The following RUFY1 variants were observed in gnomAD, a reference collection of about 807,000 sequenced individuals.
RUFY1 encodes RUN and FYVE domain containing 1.
RUFY1 carries 54 observed loss-of-function variants against 94.6 expected under a neutral mutation model. The observed-to-expected ratio is 0.57, with a 90% CI of 0.46 to 0.72. The LOEUF is 0.72. Among genes scored for constraint, RUFY1 ranks in the 30% least tolerant of loss-of-function variants. RUFY1 has a pLI of 0.00. For synonymous variants in RUFY1, 396 were observed against 347.3 expected (o/e 1.14, Z -1.56); for missense variants, 883 against 883.9 (o/e 1.00, Z 0.01).
intron 6 of RUFY1, among the ~76,000 whole-genome samples, chr5:179,578,336 C>G (rs1453315254): frequency 6.6e-6 from 1 of 151,922 alleles, no homozygotes. Context: ...GCCTCAGCCT[C>G]CCGAGTAGCA....
At chr5:179,602,931 A>G (rs1173442054) in intron 15 of RUFY1, among the ~76,000 whole-genome samples, 1 of 152,196 alleles carries the variant, frequency 6.6e-6, no homozygotes. Flanking sequence ...TCACGACCTC[A>G]GCACAGCCTG....
intron 1 of RUFY1, among the ~76,000 whole-genome samples, chr5:179,556,527 G>T (rs35287854): frequency 2.0e-5 from 3 of 151,140 alleles, no homozygotes; most frequent in Admixed American, 6.6e-5. Flanking sequence ...TTTGAGAAGG[G>T]TCTCACTCTG....
intron 4 of RUFY1, among the ~76,000 whole-genome samples, chr5:179,568,515 C>T (rs907525838): frequency 2.6e-5 from 4 of 152,130 alleles, no homozygotes; most frequent in African/African-American, 9.7e-5. Context: ...TACTGATTTA[C>T]AATATTTCAC....
intron 15 of RUFY1, 107 bp from the exon 16 acceptor site, chr5:179,605,769 C>T (rs1767011815): frequency 1.3e-5 from 10 of 793,840 alleles, no homozygotes; most frequent in Non-Finnish European, 2.2e-5. Context: ...TGGGTCTCCT[C>T]ACAAGTCCGG....
At position 179,566,527 on chromosome 5, in the gene RUFY1, AC is replaced by A. The variant is rs560599044; in HGVS notation, c.603-932del. Among the ~76,000 whole-genome samples the A allele has an allele frequency of 6.6e-5, 10 of 151,678 alleles. No individual in the cohort carries two copies. The East Asian group carries it at 1.6e-3, about 24-fold the overall frequency. Reference sequence around the variant, plus strand: ...AGGCTGAGGCAGGAGAATCACTTGAACCTGCGAGGTGGAGGATGCAGTGAGC... The same window carrying A: ...AGGCTGAGGCAGGAGAATCACTTGAACTGCGAGGTGGAGGATGCAGTGAGC... On this transcript the variant is annotated intron_variant, in intron 3 of 17. Coordinates refer to ENST00000319449, the MANE Select transcript of RUFY1 (RefSeq NM_025158.5).
At chr5:179,602,062 A>AAC in intron 15 of RUFY1, 76 bp downstream of exon 15, 1 of 1,242,812 alleles carries the variant, frequency 8.0e-7, no homozygotes, top group Non-Finnish European at 1.2e-6. Context: ...CCCCAAACCT[A>AAC]CCTCCTTTTG....
At position 179,563,201 on chromosome 5, in the gene RUFY1, C is replaced by G. The variant is rs112928250; in HGVS notation, c.602+537C>G. 2.6e-5 allele frequency among the ~76,000 whole-genome samples: 4 copies of G among 152,164 alleles called. No homozygotes were observed. In the East Asian group the frequency reaches 7.7e-4, roughly 29 times the overall value. On this transcript the variant is annotated intron_variant, in intron 3 of 17. Transcript: ENST00000319449. ...GATCCTTGAGCCAATGCAAAAGAAC[C>G]CTCTGCAGAGTTTCCCAGACGGGAC...
At chr5:179,568,725 A>ATT (rs1763009613) in intron 4 of RUFY1, among the ~76,000 whole-genome samples, 1 of 152,228 alleles carries the variant, frequency 6.6e-6, no homozygotes, top group Non-Finnish European at 1.5e-5. Flanking sequence ...CTTAAGAGAA[A>ATT]AGTCTTATAC....
chr5:179,608,555 A>G (rs1350229662), intron 17 of RUFY1: 2 of 985,490 alleles, frequency 2.0e-6, no homozygotes, highest in Non-Finnish European at 2.4e-6. Context: ...AAGAGAACGA[A>G]CCAGACTCTT....
At chr5:179,596,328 A>AAGCCAT (rs1765635358) in intron 12 of RUFY1, 2 of 611,680 alleles carry the variant, frequency 3.3e-6, no homozygotes, top group Non-Finnish European at 2.9e-6. Flanking sequence ...CAAAAAGCCA[A>AAGCCAT]AGCCATATTG....
At chr5:179,606,118 C>A in intron 16 of RUFY1, 194 bp downstream of exon 16, 2 of 597,690 alleles carry the variant, frequency 3.3e-6, no homozygotes, top group Non-Finnish European at 5.9e-6. Context: ...GTGGCCGAAG[C>A]TGAGCCTAGG....
chr5:179,589,264 A>C (rs1159844811), intron 8 of RUFY1: 1 of 368,296 alleles, frequency 2.7e-6, no homozygotes, highest in Non-Finnish European at 5.0e-6. Flanking sequence ...GTGTCTATAA[A>C]TCTTTGTCCA....
intron 7 of RUFY1, among the ~76,000 whole-genome samples, chr5:179,581,602 C>T (rs868843292): frequency 7.3e-4 from 111 of 152,024 alleles, no homozygotes; most frequent in African/African-American, 2.4e-3. Flanking sequence ...GCCACCTCTC[C>T]GGCCCCAAAA....
chr5:179,606,917 C>T (rs1219020877), intron 16 of RUFY1: 1 of 152,992 alleles, frequency 6.5e-6, no homozygotes, highest in Non-Finnish European at 1.5e-5. Context: ...TCTGGAACAC[C>T]CCAGTCCCTA....
Position 179,591,723 on chromosome 5 carries a change from G to A in RUFY1, c.1227G>A (p.Glu409=). The change falls in exon 10 of 18, where the codon GAG becomes GAA. Residue 409 remains glutamate (E), a synonymous_variant. Coordinates refer to ENST00000319449, the MANE Select transcript of RUFY1 (RefSeq NM_025158.5). The part of the protein sequence containing the change: ...MYSDVWKQLK[E]EKKVRLELEK... The stretch of plus-strand genomic sequence containing the variant: ...GTGATGTGTGGAAGCAGCTAAAAGA[G>A]GAGAAGAAAGTCCGGTTGGTGAGTG... The A allele has an allele frequency of 6.2e-7, 1 of 1,606,616 alleles. No homozygotes were observed. Among genetic ancestry groups the A allele is most frequent in the Non-Finnish European group, 8.5e-7 (1 of 1,176,710 alleles).
intron 8 of RUFY1, chr5:179,586,420 A>C (rs924553711): frequency 2.2e-6 from 1 of 456,526 alleles, no homozygotes; most frequent in African/African-American, 2.0e-5. Context: ...TGCTGGACAC[A>C]TCTTGTCTCC....
At position 179,609,576 on chromosome 5, in the gene RUFY1, G is replaced by A. The variant is rs1767517147; in HGVS notation, c.*57G>A. 3 of 1,462,132 alleles carry A rather than the reference G, an allele frequency of 2.1e-6. No individual in the cohort carries two copies. Among genetic ancestry groups the A allele is most frequent in the South Asian group, 2.6e-5 (2 of 77,756 alleles). 90.6% of individuals were successfully genotyped at this position (1,462,132 alleles called of 1,614,324 possible). ...CAGTGCCAAACCCTGTGGGTCTCCA[G>A]GGGCTTGGGAAATGTGTTCTTTCCC... On this transcript the variant is annotated 3_prime_UTR_variant, in exon 18 of 18. Transcript: ENST00000319449.
At chr5:179,552,619 T>C (rs754319443) in intron 1 of RUFY1, among the ~76,000 whole-genome samples, 3 of 152,194 alleles carry the variant, frequency 2.0e-5, no homozygotes, top group Non-Finnish European at 4.4e-5. Context: ...TGCATACTCA[T>C]TGACAGTCAG....
In RUFY1 at chr5:179,601,894, G is replaced by C; in HGVS notation, c.1764G>C (p.Glu588Asp). Reference protein sequence around the residue: ...ELQQVEGLKKELRELQDEKAE... With the variant: ...ELQQVEGLKKDLRELQDEKAE... ...TCTGGTTGGTTTGTTCATTTTAGGA[G>C]TTGCGGGAGCTTCAGGACGAGAAGG... The change falls in exon 15 of 18, where the codon GAG becomes GAC. Residue 588 changes from glutamate (E) to aspartate (D), a missense_variant and splice_region_variant. By Grantham distance (45) the Glu-to-Asp change is conservative. Transcript: ENST00000319449. The C allele has an allele frequency of 6.2e-7, 1 of 1,605,518 alleles. No homozygotes were observed. Among genetic ancestry groups the C allele is most frequent in the Non-Finnish European group, 8.5e-7 (1 of 1,174,518 alleles).
Sources: gnomAD v4.1 joint callset for allele counts (sites outside exome capture counted in the v4.1 genomes callset) on GRCh38, gnomAD v4.1.1 for gene constraint, MANE v1.5 for transcripts, NCBI Gene and HGNC (gene_info 2026-07-23, HGNC 2026-07-21) for gene names.